The following ENTREP2 variants were observed in gnomAD, a reference collection of about 807,000 sequenced individuals.
ENTREP2 encodes protein ENTREP2.
chr15:29,406,053 T>A, the ENTREP2 span, among the ~76,000 whole-genome samples: 1 of 152,218 alleles, frequency 6.6e-6, no homozygotes, highest in Non-Finnish European at 1.5e-5. Context: ...AATCGGTTTT[T>A]ATAAAAATTG....
At chr15:29,559,050 C>T in the ENTREP2 span, among the ~76,000 whole-genome samples, 1 of 152,188 alleles carries the variant, frequency 6.6e-6, no homozygotes, top group East Asian at 1.9e-4. Context: ...GTGCCCCTAA[C>T]CGTGTACTGT....
chr15:29,334,005 CT>C, the ENTREP2 span, among the ~76,000 whole-genome samples: 3 of 152,208 alleles, frequency 2.0e-5, no homozygotes, highest in Admixed American at 6.5e-5. Flanking sequence ...GGAGGGAGAC[CT>C]GGAACAGATT....
At chr15:29,269,830 G>C in the ENTREP2 span, 1 of 922,264 alleles carries the variant, frequency 1.1e-6, no homozygotes, top group South Asian at 2.1e-5. Context: ...ACTGCGTGCT[G>C]CGTCATGAAG....
At chr15:29,138,519 CGT>C in the ENTREP2 span, among the ~76,000 whole-genome samples, 2 of 151,614 alleles carry the variant, frequency 1.3e-5, no homozygotes, top group African/African-American at 2.4e-5. Flanking sequence ...AGGGTGAGTG[CGT>C]GTGTGTCTGT....
chr15:29,133,061 C>A, the ENTREP2 span, among the ~76,000 whole-genome samples: 9 of 152,182 alleles, frequency 5.9e-5, no homozygotes, highest in Non-Finnish European at 1.3e-4. Context: ...GCCCGGTGCC[C>A]CTGCTGGCTA....
the ENTREP2 span, among the ~76,000 whole-genome samples, chr15:29,659,439 C>T: frequency 3.9e-5 from 6 of 152,080 alleles, no homozygotes; most frequent in Non-Finnish European, 5.9e-5. Context: ...CCATTGCCCT[C>T]CAGCCTAGGA....
At chr15:29,196,303 C>A in the ENTREP2 span, 1 of 931,456 alleles carries the variant, frequency 1.1e-6, no homozygotes, top group Non-Finnish European at 1.6e-6. Context: ...GAAAGATATT[C>A]CCTCTTGCAC....
At chr15:29,340,757 G>T in the ENTREP2 span, among the ~76,000 whole-genome samples, 1 of 152,166 alleles carries the variant, frequency 6.6e-6, no homozygotes, top group South Asian at 2.1e-4. Context: ...GATCTGGCAA[G>T]GTGGCCGAGG....
the ENTREP2 span, among the ~76,000 whole-genome samples, chr15:29,402,040 TA>T: frequency 6.6e-6 from 1 of 152,134 alleles, no homozygotes; most frequent in Non-Finnish European, 1.5e-5. Context: ...CTTTCTGTAA[TA>T]TTAACCTTTA....
chr15:29,520,728 T>C, the ENTREP2 span, among the ~76,000 whole-genome samples: 2 of 152,200 alleles, frequency 1.3e-5, no homozygotes, highest in Non-Finnish European at 2.9e-5. Context: ...GGCTGCAGAA[T>C]ACAAGAGCAA....
the ENTREP2 span, among the ~76,000 whole-genome samples, chr15:29,382,695 C>T: frequency 6.6e-6 from 1 of 152,194 alleles, no homozygotes; most frequent in East Asian, 1.9e-4. Context: ...CTGCTTAGCC[C>T]TGTGTCCAGC....
At chr15:29,451,103 G>A in the ENTREP2 span, among the ~76,000 whole-genome samples, 5 of 151,934 alleles carry the variant, frequency 3.3e-5, no homozygotes, top group South Asian at 8.3e-4. Flanking sequence ...TAAAATAAAG[G>A]TTAAAAAAAA....
At chr15:29,353,436 G>A in the ENTREP2 span, among the ~76,000 whole-genome samples, 1 of 152,106 alleles carries the variant, frequency 6.6e-6, no homozygotes, top group African/African-American at 2.4e-5. Flanking sequence ...TATGCACTTA[G>A]GTAGGTAGGT....
the ENTREP2 span, among the ~76,000 whole-genome samples, chr15:29,291,743 T>C: frequency 2.0e-5 from 3 of 152,246 alleles, no homozygotes; most frequent in Non-Finnish European, 2.9e-5. Flanking sequence ...GTCATTTTAA[T>C]GGTGCTTCAG....
the ENTREP2 span, among the ~76,000 whole-genome samples, chr15:29,353,557 T>C: frequency 6.6e-6 from 1 of 152,220 alleles, no homozygotes; most frequent in Admixed American, 6.5e-5. Flanking sequence ...TAACACTGAC[T>C]GCATTTACTG....
chr15:29,552,742 C>A, the ENTREP2 span, among the ~76,000 whole-genome samples: 2 of 152,000 alleles, frequency 1.3e-5, no homozygotes, highest in Non-Finnish European at 2.9e-5. Context: ...ACAAGAGAAT[C>A]CAATTTTTAA....
At chr15:29,509,551 C>A in the ENTREP2 span, among the ~76,000 whole-genome samples, 12 of 152,228 alleles carry the variant, frequency 7.9e-5, no homozygotes, top group Admixed American at 1.3e-4. Context: ...GGTACCAAAA[C>A]AGACATACAG....
At chr15:29,511,520 T>TTAC in the ENTREP2 span, among the ~76,000 whole-genome samples, 1 of 151,226 alleles carries the variant, frequency 6.6e-6, no homozygotes, top group Non-Finnish European at 1.5e-5. Flanking sequence ...TTTTGTAGTT[T>TTAC]TAGTAGAGTT....
chr15:29,490,966 C>G, the ENTREP2 span, among the ~76,000 whole-genome samples: 1 of 152,186 alleles, frequency 6.6e-6, no homozygotes, highest in African/African-American at 2.4e-5. Flanking sequence ...TCGGGCAGCA[C>G]GGGAGCCCAC....
Sources: allele counts gnomAD v4.1 joint callset (sites outside exome capture counted in the v4.1 genomes callset), GRCh38; gene constraint gnomAD v4.1.1; transcripts MANE v1.5; gene names NCBI Gene and HGNC (gene_info 2026-07-23, HGNC 2026-07-21).